The following NCKAP5 variants were observed in gnomAD, a reference collection of about 807,000 sequenced individuals.
The protein encoded by NCKAP5 is NCK associated protein 5, also known as nck-associated protein 5.
A neutral mutation model predicts 167.0 loss-of-function variants in NCKAP5; 92 were observed. That is an observed-to-expected ratio of 0.55 (90% CI 0.47 to 0.66). NCKAP5 has a LOEUF of 0.66. Ranked by LOEUF, NCKAP5 falls within the 30% of genes least tolerant of loss-of-function variation. The pLI, the probability that NCKAP5 is intolerant of heterozygous loss-of-function variation, is 0.00. For missense variants in NCKAP5, 2,378 were observed against 2,315.0 expected, an observed-to-expected ratio of 1.03 and a Z score of -0.56; for synonymous variants, 891 against 877.4, an observed-to-expected ratio of 1.02 and a Z score of -0.27.
chr2:133,451,263 T>C (rs909481920), intron 3 of NCKAP5, among the ~76,000 whole-genome samples: 5 of 152,210 alleles, frequency 3.3e-5, no homozygotes, highest in African/African-American at 9.6e-5. Context: ...AACTTCTAAA[T>C]GCAAAGCAAG....
intron 3 of NCKAP5, among the ~76,000 whole-genome samples, chr2:133,489,234 C>T (rs1429589584): frequency 1.3e-5 from 2 of 152,196 alleles, no homozygotes; most frequent in African/African-American, 4.8e-5. Context: ...GGCATACATA[C>T]TTATCTGAAA....
At chr2:132,862,766 AAAAAAAAAAAAACC>A (rs1276065122) in intron 10 of NCKAP5, among the ~76,000 whole-genome samples, 4 of 113,288 alleles carry the variant, frequency 3.5e-5, no homozygotes, top group Admixed American at 2.7e-4. Flanking sequence ...ACCCAGTCTC[AAAAAAAAAAAAACC>A]AAAAAAAAAC....
At chr2:132,988,460 CAAAA>C (rs57024269) in intron 7 of NCKAP5, among the ~76,000 whole-genome samples, 179 of 70,620 alleles carry the variant, frequency 2.5e-3, no homozygotes, top group African/African-American at 8.4e-3. Context: ...GACTTTGCCT[CAAAA>C]AAAAAAAAAA....
chr2:133,242,253 TCTTTTC>T (rs2087751534), intron 4 of NCKAP5, among the ~76,000 whole-genome samples: 3 of 143,526 alleles, frequency 2.1e-5, no homozygotes, highest in African/African-American at 2.9e-5. Context: ...TCTTTTCTTT[TCTTTTC>T]TTTTTTTTTT....
At chr2:133,070,537 C>G (rs1245565934) in intron 6 of NCKAP5, among the ~76,000 whole-genome samples, 1 of 152,150 alleles carries the variant, frequency 6.6e-6, no homozygotes, top group Admixed American at 6.5e-5. Flanking sequence ...GAGGTCAAGT[C>G]TCTTACCAGA....
chr2:133,433,376 C>G (rs1690280129), intron 3 of NCKAP5: 1 of 152,158 alleles, frequency 6.6e-6, no homozygotes, highest in Non-Finnish European at 1.5e-5. Flanking sequence ...GAATATTCCT[C>G]AAGAGAATGA....
At chr2:133,063,726 T>C (rs2080090158) in intron 6 of NCKAP5, among the ~76,000 whole-genome samples, 1 of 152,228 alleles carries the variant, frequency 6.6e-6, no homozygotes, top group Admixed American at 6.5e-5. Context: ...TCTCTAGTCA[T>C]TGCTCTCTTC....
intron 3 of NCKAP5, among the ~76,000 whole-genome samples, chr2:133,498,472 AAGGAAGGAAGGCAGGCAGGCAGGCAGGC>A (rs1268768147): frequency 4.1e-5 from 5 of 122,634 alleles, no homozygotes; most frequent in African/African-American, 1.9e-4. Flanking sequence ...GGAAGGAAGG[AAGGAAGGAAGGCAGGCAGGCAGGCAGGC>A]AGGCAGGCAG....
chr2:133,601,929 G>C, the NCKAP5 span, among the ~76,000 whole-genome samples: 1 of 152,016 alleles, frequency 6.6e-6, no homozygotes, highest in Non-Finnish European at 1.5e-5. Context: ...TCACAGACCC[G>C]GACACCCAGG....
At chr2:133,353,346 C>A (rs1372000147) in intron 3 of NCKAP5, among the ~76,000 whole-genome samples, 1 of 152,148 alleles carries the variant, frequency 6.6e-6, no homozygotes, top group East Asian at 1.9e-4. Context: ...CCTCTGCTCC[C>A]AGTTTTCCAT....
In NCKAP5 at chr2:133,270,200, G is replaced by C. The variant is rs76386847; in HGVS notation, c.143+32837C>G. Among the ~76,000 whole-genome samples, 299 of 152,246 alleles carry C rather than the reference G, an allele frequency of 2.0e-3. 3 individuals are homozygous for C. Among genetic ancestry groups the C allele is most frequent in the African/African-American group, 6.9e-3 (285 of 41,542 alleles). The stretch of plus-strand genomic sequence containing the variant: ...TGTTTGCCAACCAAAATGAGATGTT[G>C]AATAGACAATTGTACCATGATTGTG... On this transcript the variant is annotated intron_variant, in intron 4 of 19. Transcript: ENST00000409261.
rs1687702254 is a variant in NCKAP5, at chr2:132,699,740, C to T, written c.5713+25887G>A. Among the ~76,000 whole-genome samples the T allele has an allele frequency of 1.3e-5, 2 of 152,110 alleles. 1 individual carries two copies. The highest frequency in any genetic ancestry group is 4.2e-4 in the South Asian group (2 of 4,814). ...AATCCAGTCTATCATTGATGGACAT[C>T]TGGGTTGGTTCCAAGTCTTTGCTAT... On this transcript the variant is annotated intron_variant, in intron 19 of 19. Transcript: ENST00000409261.
intron 2 of NCKAP5, among the ~76,000 whole-genome samples, chr2:133,546,058 A>T (rs55845803): frequency 0.27 from 41,774 of 151,932 alleles, 6,279 homozygotes; most frequent in East Asian, 0.38. Flanking sequence ...CTGAAACACA[A>T]ATGCATTGCT....
At chr2:133,264,648 T>A (rs559782402) in intron 4 of NCKAP5, among the ~76,000 whole-genome samples, 5 of 152,306 alleles carry the variant, frequency 3.3e-5, no homozygotes, top group African/African-American at 1.2e-4. Flanking sequence ...ACAATTTAAA[T>A]AATGAAAATA....
intron 8 of NCKAP5, chr2:132,954,505 G>T: frequency 2.9e-6 from 1 of 346,454 alleles, no homozygotes; most frequent in Non-Finnish European, 5.6e-6. Flanking sequence ...ATGCTCATAA[G>T]AACATTATAA....
chr2:133,130,187 A>G lies in NCKAP5; in HGVS notation c.208-76T>C. On this transcript the variant is annotated intron_variant, in intron 5 of 19. Coordinates refer to ENST00000409261, the MANE Select transcript of NCKAP5 (RefSeq NM_207363.3). ...ATAAGAAATAGCTGGTTATCAAGTG[A>G]TAACTTGAGCTTTATATATATGAAT... 3 of 1,489,638 alleles carry G rather than the reference A, an allele frequency of 2.0e-6. No individual in the cohort carries two copies. The East Asian group carries it at 7.1e-5, about 35-fold the overall frequency. The allele number at this position is 1,489,638 out of a possible 1,614,324, so 92.3% of individuals were successfully genotyped here.
chr2:132,955,105 C>T (rs541473305), intron 8 of NCKAP5, among the ~76,000 whole-genome samples: 18 of 152,280 alleles, frequency 1.2e-4, no homozygotes, highest in African/African-American at 2.6e-4. Flanking sequence ...ACCACTGGCA[C>T]GTTGCCTTAA....
At chr2:132,809,368 T>C (rs968215631) in intron 11 of NCKAP5, among the ~76,000 whole-genome samples, 9 of 152,290 alleles carry the variant, frequency 5.9e-5, no homozygotes, top group Non-Finnish European at 1.0e-4. Flanking sequence ...CAGTGGAGTA[T>C]TGAAGTCCCT....
chr2:133,054,045 A>G lies in NCKAP5; in HGVS notation c.342-59806T>C, dbSNP rs866470212. Among the ~76,000 whole-genome samples, 6 of 152,178 alleles carry G rather than the reference A, an allele frequency of 3.9e-5. No individual in the cohort carries two copies. The East Asian group carries it at 7.7e-4, about 20-fold the overall frequency. ...AAGCCAGCCCATGTTCCATAATTCT[A>G]TGGTGTTTATCAGTATCAAGGAAGA... On this transcript the variant is annotated intron_variant, in intron 6 of 19. Transcript: ENST00000409261.
Sources: allele counts gnomAD v4.1 joint callset (sites outside exome capture counted in the v4.1 genomes callset), GRCh38; gene constraint gnomAD v4.1.1; transcripts MANE v1.5; gene names NCBI Gene and HGNC (gene_info 2026-07-23, HGNC 2026-07-21).